Variants in PTCH1 observed in about 807,000 individuals in gnomAD.
PTCH1 encodes the protein patched 1.
PTCH1 carries 14 observed loss-of-function variants against 144.6 expected under a neutral mutation model. The observed-to-expected ratio is 0.10, with a 90% CI of 0.06 to 0.15. The LOEUF is 0.15. Ranked by LOEUF, PTCH1 falls within the 10% of genes least tolerant of loss-of-function variation. The pLI is 1.00. For synonymous variants in PTCH1, 833 were observed against 793.6 expected, an observed-to-expected ratio of 1.05 and a Z score of -0.83; for missense variants, 1,623 against 1,948.3, an observed-to-expected ratio of 0.83 and a Z score of 3.14.
chr9:95,515,176 C>T (rs948449003), intron 1 of PTCH1, among the ~76,000 whole-genome samples: 2 of 152,158 alleles, frequency 1.3e-5, no homozygotes, highest in Admixed American at 6.5e-5. Context: ...GCATGCTGAA[C>T]TACTGTCGCC....
intron 15 of PTCH1, among the ~76,000 whole-genome samples, chr9:95,466,294 G>A (rs1396855196): frequency 6.6e-6 from 1 of 152,060 alleles, no homozygotes; most frequent in African/African-American, 2.4e-5. Context: ...TGATCTGCCC[G>A]CCTTGGCATC....
chr9:95,482,406 G>A lies in PTCH1; in HGVS notation c.585-203C>T, dbSNP rs542323502. ...ATACTCAATCGTAATTAACATGTAGGGTGTTTATGTAAATGAATGCTACCA... is the reference window on the plus strand; with the variant it reads ...ATACTCAATCGTAATTAACATGTAGAGTGTTTATGTAAATGAATGCTACCA... On this transcript the variant is annotated intron_variant, in intron 3 of 23. Transcript: ENST00000331920. 3.3e-5 allele frequency: 20 copies of A among 600,674 alleles called. No homozygotes were observed. In the African/African-American group the frequency reaches 3.3e-4, roughly 10 times the overall value. The allele number at this position is 600,674 out of a possible 1,614,324, so 37.2% of individuals were successfully genotyped here. A position where few individuals can be genotyped will look rare whatever the true frequency, so the allele number is the denominator to read the frequency against.
exon 1 of PTCH1, chr9:95,516,874 G>A: frequency 6.8e-7 from 1 of 1,473,294 alleles, no homozygotes; most frequent in Non-Finnish European, 9.2e-7. Flanking sequence ...TCAGGGTCAC[G>A]TGACGGATCC....
At chr9:95,507,345 G>C in intron 1 of PTCH1, 1 of 985,522 alleles carries the variant, frequency 1.0e-6, no homozygotes, top group Non-Finnish European at 1.2e-6. Context: ...GCCGGCGCAG[G>C]CTGCTCCCCG....
rs55896148 is a variant in PTCH1 at position 95,482,537 on chromosome 9, G to A, written c.585-334C>T. 2.5e-3 allele frequency: 929 copies of A among 368,576 alleles called. 11 individuals carry two copies. The highest frequency in any genetic ancestry group is 0.018 in the African/African-American group (856 of 47,828). 22.8% of individuals were successfully genotyped at this position (368,576 alleles called of 1,614,324 possible). A position where few individuals can be genotyped will look rare whatever the true frequency, so the allele number is the denominator to read the frequency against. On this transcript the variant is annotated intron_variant, in intron 3 of 23. Coordinates refer to ENST00000331920, the MANE Select transcript of PTCH1 (RefSeq NM_000264.5). ...TAAACAACTTCAGGGCAGCCCAGCT[G>A]AATTATCATAAATTCAAAATAGGCG...
In PTCH1 at chr9:95,446,266, G is replaced by C. The variant is rs1837870008; in HGVS notation, c.*127C>G. 10 of 459,288 alleles carry C rather than the reference G, an allele frequency of 2.2e-5. No individual in the cohort carries two copies. The highest frequency in any genetic ancestry group is 3.9e-5 in the Non-Finnish European group (9 of 230,974). 28.5% of individuals were successfully genotyped at this position (459,288 alleles called of 1,614,324 possible). A position where few individuals can be genotyped will look rare whatever the true frequency, so the allele number is the denominator to read the frequency against. On this transcript the variant is annotated 3_prime_UTR_variant, in exon 24 of 24. Coordinates refer to ENST00000331920, the MANE Select transcript of PTCH1 (RefSeq NM_000264.5). ...TAATACAATCGGTTACAGTAACAAT[G>C]AACTGCTGTCCTGGCACAGGGCATC...
intron 2 of PTCH1, among the ~76,000 whole-genome samples, chr9:95,505,782 C>T (rs946543380): frequency 1.2e-4 from 18 of 151,988 alleles, no homozygotes; most frequent in East Asian, 5.8e-4. Flanking sequence ...CCCCACCCCG[C>T]GTTTTTTGTA....
Position 95,445,491 on chromosome 9 carries a change from G to A in PTCH1, c.*902C>T, listed in dbSNP as rs868224172. 3 of 152,258 alleles carry A rather than the reference G, an allele frequency of 2.0e-5. No homozygotes were observed. Among genetic ancestry groups the A allele is most frequent in the Admixed American group, 2.0e-4 (3 of 15,274 alleles). 9.4% of individuals were successfully genotyped at this position (152,258 alleles called of 1,614,324 possible). A position where few individuals can be genotyped will look rare whatever the true frequency, so the allele number is the denominator to read the frequency against. On this transcript the variant is annotated 3_prime_UTR_variant, in exon 24 of 24. Coordinates refer to ENST00000331920, the MANE Select transcript of PTCH1 (RefSeq NM_000264.5). ...GTTCCAGCATCCATCACAATGATCC[G>A]AGAGAAGGAGATTATCCCCCTGAAG...
At chr9:95,477,001 G>T in intron 10 of PTCH1, 144 bp from the exon 11 acceptor site, 2 of 792,942 alleles carry the variant, frequency 2.5e-6, no homozygotes, top group East Asian at 2.7e-5. Context: ...TTCACTTGAC[G>T]TCCCAAAGCC....
At chr9:95,486,344 A>G (rs1177168177) in intron 2 of PTCH1, among the ~76,000 whole-genome samples, 1 of 152,264 alleles carries the variant, frequency 6.6e-6, no homozygotes, top group Non-Finnish European at 1.5e-5. Flanking sequence ...AGAAACAAGG[A>G]AAGGTGGCCA....
chr9:95,499,613 G>A (rs1281346280), intron 2 of PTCH1, among the ~76,000 whole-genome samples: 1 of 151,950 alleles, frequency 6.6e-6, no homozygotes, highest in Admixed American at 6.6e-5. Context: ...GTTATTATGT[G>A]GGGGTGTCTG....
intron 14 of PTCH1, 45 bp from the exon 15 acceptor site, chr9:95,467,470 G>A (rs372718832): frequency 6.3e-7 from 1 of 1,585,370 alleles, no homozygotes; most frequent in Non-Finnish European, 8.6e-7. Context: ...GAGCACCACT[G>A]ACTCTTCCTG....
chr9:95,506,695 G>A, intron 1 of PTCH1, 96 bp from the exon 2 acceptor site: 1 of 1,067,600 alleles, frequency 9.4e-7, no homozygotes, highest in Non-Finnish European at 1.2e-6. Context: ...GCCCCCAACA[G>A]CCGTGGGGGC....
At chr9:95,490,951 C>T (rs1357980558) in intron 2 of PTCH1, among the ~76,000 whole-genome samples, 2 of 152,144 alleles carry the variant, frequency 1.3e-5, no homozygotes, top group Non-Finnish European at 2.9e-5. Flanking sequence ...CATTACACAT[C>T]ATATGCTTAT....
At chr9:95,494,063 C>T (rs1842624704) in intron 2 of PTCH1, among the ~76,000 whole-genome samples, 1 of 152,198 alleles carries the variant, frequency 6.6e-6, no homozygotes, top group South Asian at 2.1e-4. Context: ...AGGACACCCC[C>T]ACCTGCCCAC....
chr9:95,484,676 G>C (rs189686380), intron 3 of PTCH1, among the ~76,000 whole-genome samples: 175 of 152,302 alleles, frequency 1.1e-3, no homozygotes, highest in Non-Finnish European at 1.8e-3. Context: ...CATCAACTCA[G>C]AGGTCCCCTG....
At chr9:95,501,648 G>A (rs1363645865) in intron 2 of PTCH1, among the ~76,000 whole-genome samples, 1 of 152,114 alleles carries the variant, frequency 6.6e-6, no homozygotes, top group Non-Finnish European at 1.5e-5. Context: ...TTACAAGGCT[G>A]CTGCCCTCTG....
chr9:95,471,091 A>AAAAG (rs943685459), intron 12 of PTCH1, among the ~76,000 whole-genome samples: 26 of 120,076 alleles, frequency 2.2e-4, no homozygotes, highest in East Asian at 9.0e-4. Context: ...TCAAAAAAAA[A>AAAAG]AAAGAAAGAA....
At chr9:95,488,587 A>G (rs1842155432) in intron 2 of PTCH1, among the ~76,000 whole-genome samples, 1 of 115,442 alleles carries the variant, frequency 8.7e-6, no homozygotes, top group Admixed American at 1.3e-4. Flanking sequence ...CTGTAACATG[A>G]TTCATTCATC....
Sources: gnomAD v4.1 joint callset for allele counts (sites outside exome capture counted in the v4.1 genomes callset) on GRCh38, gnomAD v4.1.1 for gene constraint, MANE v1.5 for transcripts, NCBI Gene and HGNC (gene_info 2026-07-23, HGNC 2026-07-21) for gene names.